Variants in ADAM9 observed in about 807,000 individuals in gnomAD.
ADAM9 encodes ADAM metallopeptidase domain 9, also known as disintegrin and metalloproteinase domain-containing protein 9.
A neutral mutation model predicts 108.1 loss-of-function variants in ADAM9; 54 were observed. That is an observed-to-expected ratio of 0.50 (90% CI 0.40 to 0.63). The LOEUF (loss-of-function observed/expected upper bound fraction) is 0.63, where lower values mean the gene tolerates loss of function less well. Ranked by LOEUF, ADAM9 falls within the 20% of genes least tolerant of loss-of-function variation. ADAM9 has a pLI of 0.00. For synonymous variants in ADAM9, 316 were observed against 336.0 expected (o/e 0.94, Z 0.65); for missense variants, 830 against 997.7 (o/e 0.83, Z 2.26).
At chr8:39,071,844 C>T (rs529614676) in intron 15 of ADAM9, among the ~76,000 whole-genome samples, 129 of 152,318 alleles carry the variant, frequency 8.5e-4, no homozygotes, top group African/African-American at 3.1e-3. Flanking sequence ...AAACATTTTA[C>T]AATGCAAAGC....
chr8:39,084,423 A>G (rs1839119587), intron 18 of ADAM9, among the ~76,000 whole-genome samples: 1 of 150,560 alleles, frequency 6.6e-6, no homozygotes, highest in East Asian at 1.9e-4. Context: ...ATGTTCATTC[A>G]GTTCTGAATA....
chr8:39,020,976 TTATC>T (rs1369578361), intron 7 of ADAM9, among the ~76,000 whole-genome samples: 1 of 152,236 alleles, frequency 6.6e-6, no homozygotes, highest in East Asian at 1.9e-4. Flanking sequence ...TTTTATTCTT[TTATC>T]TATGCATTTT....
chr8:39,015,851 G>T, intron 4 of ADAM9: 1 of 423,104 alleles, frequency 2.4e-6, no homozygotes, highest in Non-Finnish European at 4.3e-6. Flanking sequence ...TCTGCTTCTA[G>T]GCTGAAAGGT....
intron 14 of ADAM9, among the ~76,000 whole-genome samples, chr8:39,067,473 T>C (rs1210968829): frequency 6.6e-6 from 1 of 152,234 alleles, no homozygotes; most frequent in African/African-American, 2.4e-5. Flanking sequence ...TTCACATCCC[T>C]TGTAAGTTGG....
intron 14 of ADAM9, among the ~76,000 whole-genome samples, chr8:39,064,582 A>G (rs1838397392): frequency 6.6e-6 from 1 of 152,208 alleles, no homozygotes; most frequent in South Asian, 2.1e-4. Flanking sequence ...AGGATTGCCA[A>G]TAGTGTAATC....
At chr8:39,095,471 G>A (rs1287921779) in intron 20 of ADAM9, among the ~76,000 whole-genome samples, 1 of 152,068 alleles carries the variant, frequency 6.6e-6, no homozygotes, top group Non-Finnish European at 1.5e-5. Context: ...TATTGATTTT[G>A]AGTCCTAATA....
chr8:39,002,031 AT>A (rs1307008125), intron 1 of ADAM9, among the ~76,000 whole-genome samples: 1 of 136,242 alleles, frequency 7.3e-6, no homozygotes. Context: ...TACTAGAATG[AT>A]TAAAAAAAAA....
At chr8:39,036,684 A>G (rs1360805573) in intron 11 of ADAM9, among the ~76,000 whole-genome samples, 1 of 152,166 alleles carries the variant, frequency 6.6e-6, no homozygotes, top group Non-Finnish European at 1.5e-5. Flanking sequence ...TTTTGTTGCC[A>G]TAGGTGCCAG....
chr8:39,023,081 GTTAC>G, intron 8 of ADAM9, 71 bp from the exon 9 acceptor site: 1 of 1,308,492 alleles, frequency 7.6e-7, no homozygotes, highest in Non-Finnish European at 1.1e-6. Context: ...AAGTAGCCGT[GTTAC>G]TTCATGTGGT....
chr8:39,003,884 G>A (rs1305148449), intron 1 of ADAM9, among the ~76,000 whole-genome samples: 2 of 152,070 alleles, frequency 1.3e-5, no homozygotes, highest in Non-Finnish European at 2.9e-5. Context: ...AGGAAAAAAA[G>A]TTACGTATAA....
intron 15 of ADAM9, among the ~76,000 whole-genome samples, chr8:39,072,185 A>G (rs907091046): frequency 2.6e-5 from 4 of 152,230 alleles, no homozygotes; most frequent in African/African-American, 9.6e-5. Flanking sequence ...AAAGGAGGAA[A>G]AAGTCATGTA....
chr8:39,022,177 T>A (rs1055716538), intron 8 of ADAM9, among the ~76,000 whole-genome samples: 6 of 151,152 alleles, frequency 4.0e-5, no homozygotes, highest in Non-Finnish European at 8.8e-5. Flanking sequence ...TATTAAAGAA[T>A]TAGATATATG....
chr8:39,030,314 C>T (rs1247787066), intron 11 of ADAM9, among the ~76,000 whole-genome samples: 5 of 152,050 alleles, frequency 3.3e-5, no homozygotes, highest in Non-Finnish European at 7.4e-5. Context: ...TCCATAGTTT[C>T]GTGTTTTCCA....
intron 11 of ADAM9, among the ~76,000 whole-genome samples, chr8:39,034,033 C>G (rs1236510208): frequency 6.6e-6 from 1 of 152,032 alleles, no homozygotes; most frequent in African/African-American, 2.4e-5. Context: ...TGTGTTATTT[C>G]TTTTGGGTTG....
At chr8:39,085,998 T>G (rs1383328881) in intron 18 of ADAM9, among the ~76,000 whole-genome samples, 1 of 152,154 alleles carries the variant, frequency 6.6e-6, no homozygotes, top group Non-Finnish European at 1.5e-5. Flanking sequence ...TTTTTGTTTT[T>G]TTTTCTTAAA....
intron 2 of ADAM9, among the ~76,000 whole-genome samples, chr8:39,008,207 C>G (rs1836227744): frequency 6.6e-6 from 1 of 150,904 alleles, no homozygotes; most frequent in African/African-American, 2.4e-5. Context: ...CTTGCTCTGT[C>G]GCCCAGGCTG....
Position 39,082,722 on chromosome 8 carries a change from G to T in ADAM9, c.1962+1G>T. On this transcript the variant is annotated splice_donor_variant, in intron 17 of 21. Coordinates refer to ENST00000487273, the MANE Select transcript of ADAM9 (RefSeq NM_003816.3). LOFTEE classifies it high-confidence loss of function. ...TCAGAAAAAGTGTCATGGACATGGG[G>T]TAGGTAATGTTTTCTTTTGGCTTGT... The T allele has an allele frequency of 6.2e-7, 1 of 1,612,140 alleles. No homozygotes were observed. Among genetic ancestry groups the T allele is most frequent in the South Asian group, 1.1e-5 (1 of 91,042 alleles).
chr8:39,036,170 T>G (rs1389090644), intron 11 of ADAM9, among the ~76,000 whole-genome samples: 2 of 152,130 alleles, frequency 1.3e-5, no homozygotes, highest in Non-Finnish European at 2.9e-5. Context: ...TATGATATTT[T>G]GGGGGCACAG....
At position 39,103,566 on chromosome 8, in the gene ADAM9, C is replaced by T. The variant is rs1242437588; in HGVS notation, c.2367-41C>T. 10 of 1,568,658 alleles carry T rather than the reference C, an allele frequency of 6.4e-6. No individual in the cohort carries two copies. In the African/African-American group the frequency reaches 1.1e-4, roughly 17 times the overall value. Reference sequence around the variant, plus strand: ...GTAATGAATATGGCATTATTTCACCCAGTCTAAACACTCTATTAACTATCT... The same window carrying T: ...GTAATGAATATGGCATTATTTCACCTAGTCTAAACACTCTATTAACTATCT... On this transcript the variant is annotated intron_variant, in intron 21 of 21. Transcript: ENST00000487273.
Sources: gnomAD v4.1 joint callset for allele counts (sites outside exome capture counted in the v4.1 genomes callset) on GRCh38, gnomAD v4.1.1 for gene constraint, MANE v1.5 for transcripts, NCBI Gene and HGNC (gene_info 2026-07-23, HGNC 2026-07-21) for gene names.